PAX8: variants seen among roughly 807,000 people sequenced by gnomAD.
PAX8 encodes the protein paired box 8, also known as paired box protein Pax-8.
A neutral mutation model predicts 52.4 loss-of-function variants in PAX8; 15 were observed. The observed-to-expected ratio is 0.29, with a 90% CI of 0.19 to 0.44. PAX8 has a LOEUF of 0.44. Among genes scored for constraint, PAX8 ranks in the 20% least tolerant of loss-of-function variants. PAX8 has a pLI of 1.00. For missense variants in PAX8, 554 were observed against 602.5 expected, an observed-to-expected ratio of 0.92 and a Z score of 0.84; for synonymous variants, 284 against 249.7, an observed-to-expected ratio of 1.14 and a Z score of -1.29.
intron 7 of PAX8, 126 bp downstream of exon 7, chr2:113,241,424 TA>T: frequency 2.3e-6 from 2 of 881,112 alleles, no homozygotes; most frequent in Non-Finnish European, 3.6e-6. Flanking sequence ...TGGAGTTGCA[TA>T]AGGCAGGTGC....
In PAX8 at chr2:113,242,010, T is replaced by G; in HGVS notation, c.599A>C (p.Asp200Ala). The change falls in exon 6 of 12, where the codon GAC (aspartate) becomes GCC (alanine). Residue 200 changes from aspartate to alanine, a missense_variant and splice_region_variant. Transcript: ENST00000429538. ...TGCCCTCCTGTCCCAGCACTCACTG[T>G]CATCCATTTTCCTCTTGTCGCTGCC... ...QPGSDKRKMD[D>A]SDQDSCRLSI... The G allele has an allele frequency of 1.2e-6, 2 of 1,613,636 alleles. No homozygotes were observed. The highest frequency in any genetic ancestry group is 2.2e-5 in the South Asian group (2 of 90,932).
chr2:113,263,769 G>A (rs538055109), intron 2 of PAX8, among the ~76,000 whole-genome samples: 13 of 152,158 alleles, frequency 8.5e-5, no homozygotes, highest in African/African-American at 2.7e-4. Context: ...AAAGACTGTG[G>A]GTGGGCTGTA....
intron 2 of PAX8, among the ~76,000 whole-genome samples, chr2:113,278,108 C>T (rs1334392385): frequency 6.6e-6 from 1 of 152,232 alleles, no homozygotes; most frequent in East Asian, 1.9e-4. Context: ...CCCCCTCTAA[C>T]TCCACAGAGA....
Position 113,241,699 on chromosome 2 carries a change from A to T in PAX8, c.629T>A (p.Ile210Asn). 6.2e-7 allele frequency: 1 copy of T among 1,614,116 alleles called. No homozygotes were observed. The highest frequency in any genetic ancestry group is 1.1e-5 in the South Asian group (1 of 91,080). Residue 210 changes from isoleucine (I) to asparagine (N), a missense_variant, in exon 7 of 12, where the codon ATT becomes AAT. This residue lies in a region of PAX8 where 445 missense variants were observed against 409.9 expected (regional missense o/e 1.09). Transcript: ENST00000429538. ...TCCGCTGCTGCTGCTCTGTGAGTCA[A>T]TGCTTAGTCGGCAGCTATCCTGATC... ...DSDQDSCRLS[I>N]DSQSSSSGPR...
intron 2 of PAX8, chr2:113,266,033 C>G (rs1693028277): frequency 6.6e-6 from 1 of 152,196 alleles, no homozygotes; most frequent in African/African-American, 2.4e-5. Context: ...TCTTTAGGAG[C>G]TGGATCAAAA....
rs1461146829 is a variant in PAX8, at chr2:113,241,652, C to T, written c.676G>A (p.Asp226Asn). The T allele has an allele frequency of 6.2e-7, 1 of 1,613,980 alleles. No individual in the cohort carries two copies. The highest frequency in any genetic ancestry group is 8.5e-7 in the Non-Finnish European group (1 of 1,180,024). ...TCGAGGTGGTGCTGGCTGAAGGCAT[C>T]CGTGCGAAGGTGCTTTCGGGGTCCG... ...SSGPRKHLRT[D>N]AFSQHHLEPL... The change falls in exon 7 of 12, where the codon GAT becomes AAT. Residue 226 changes from aspartate (D) to asparagine (N), a missense_variant. Asp to Asn is a conservative substitution (Grantham distance 23, BLOSUM62 1). Around this residue, in one of 2 missense-constraint regions of PAX8, gnomAD observed 445 missense variants for 409.9 expected, o/e 1.09. Coordinates refer to ENST00000429538, the MANE Select transcript of PAX8 (RefSeq NM_003466.4).
At chr2:113,274,905 A>G (rs1399126646) in intron 2 of PAX8, 3 of 152,234 alleles carry the variant, frequency 2.0e-5, no homozygotes, top group Admixed American at 6.5e-5. Context: ...GAATACCTAT[A>G]AAATGCATCT....
chr2:113,254,772 T>G (rs1209718259), intron 2 of PAX8, among the ~76,000 whole-genome samples: 2 of 152,332 alleles, frequency 1.3e-5, no homozygotes, highest in South Asian at 4.1e-4. Context: ...TGCCATTCTT[T>G]CGCTGCATCT....
chr2:113,274,156 TAATAA>T (rs1483548293), intron 2 of PAX8: 2 of 152,200 alleles, frequency 1.3e-5, no homozygotes, highest in African/African-American at 4.8e-5. Flanking sequence ...GGGGCTTTAA[TAATAA>T]AATAAACATA....
chr2:113,220,944 G>A lies in PAX8; in HGVS notation c.1190-766C>T, dbSNP rs181385878. On this transcript the variant is annotated intron_variant, in intron 10 of 11. Transcript: ENST00000429538. ...GAGTTTTCCAAAGGAATTATTTACC[G>A]AAGAAATTACTTAAGAATTCCCTTA... Among the ~76,000 whole-genome samples, 282 of 152,274 alleles carry A rather than the reference G, an allele frequency of 1.9e-3. 1 individual carries two copies. Among genetic ancestry groups the A allele is most frequent in the African/African-American group, 6.0e-3 (250 of 41,564 alleles).
chr2:113,256,164 G>A (rs1692231632), intron 2 of PAX8, among the ~76,000 whole-genome samples: 1 of 152,246 alleles, frequency 6.6e-6, no homozygotes, highest in Non-Finnish European at 1.5e-5. Context: ...TTTCAACAAA[G>A]GGGCTTTAAT....
chr2:113,244,771 G>C (rs1190729446), intron 3 of PAX8, 147 bp from the exon 4 acceptor site: 2 of 743,340 alleles, frequency 2.7e-6, no homozygotes, highest in Admixed American at 4.1e-5. Flanking sequence ...TCAAACGCTT[G>C]ATGTGCATGG....
intron 10 of PAX8, chr2:113,220,436 G>A (rs908206385): frequency 2.2e-6 from 1 of 448,502 alleles, no homozygotes; most frequent in Non-Finnish European, 4.1e-6. Flanking sequence ...GCCCTCCCAG[G>A]AGGCCCAGAA....
intron 10 of PAX8, chr2:113,226,239 C>T (rs1310108978): frequency 1.0e-6 from 1 of 985,362 alleles, no homozygotes; most frequent in Non-Finnish European, 1.2e-6. Flanking sequence ...CGCCAAGTCT[C>T]TGGGGTCACA....
chr2:113,221,939 G>A (rs1267518355), intron 10 of PAX8, among the ~76,000 whole-genome samples: 1 of 151,914 alleles, frequency 6.6e-6, no homozygotes, highest in Non-Finnish European at 1.5e-5. Context: ...GGTAAAAAAA[G>A]GAAGGGGGTA....
At chr2:113,240,254 A>C (rs78392145) in intron 7 of PAX8, 1 of 152,296 alleles carries the variant, frequency 6.6e-6, no homozygotes, top group East Asian at 1.9e-4. Flanking sequence ...GCTGATGGTC[A>C]GCTTTCTCTG....
chr2:113,222,835 A>G (rs969319528), intron 10 of PAX8, among the ~76,000 whole-genome samples: 6 of 151,610 alleles, frequency 4.0e-5, no homozygotes, highest in African/African-American at 1.5e-4. Flanking sequence ...CATCATACCA[A>G]TGGTCACTTC....
intron 10 of PAX8, among the ~76,000 whole-genome samples, chr2:113,225,242 G>A (rs933875620): frequency 6.6e-6 from 1 of 152,218 alleles, no homozygotes; most frequent in African/African-American, 2.4e-5. Flanking sequence ...ACAATTGATT[G>A]ATGAATGTCT....
intron 4 of PAX8, 74 bp from the exon 5 acceptor site, chr2:113,242,852 G>A (rs1006381245): frequency 4.1e-5 from 49 of 1,204,336 alleles, no homozygotes; most frequent in African/African-American, 2.4e-4. Context: ...AGACCCAGTC[G>A]CCTTTTTGAC....
Sources: gnomAD v4.1 joint callset for allele counts (sites outside exome capture counted in the v4.1 genomes callset) on GRCh38, gnomAD v4.1.1 for gene constraint, gnomAD v4.1.1 regional missense constraint, MANE v1.5 for transcripts, NCBI Gene and HGNC (gene_info 2026-07-23, HGNC 2026-07-21) for gene names.